The following KIAA0825 variants were observed in gnomAD, a reference collection of about 807,000 sequenced individuals.
KIAA0825 encodes uncharacterized protein KIAA0825.
Under a neutral mutation model 147.6 loss-of-function variants are expected in KIAA0825, and 119 were observed. That is an observed-to-expected ratio of 0.81 (90% CI 0.69 to 0.94). The LOEUF (loss-of-function observed/expected upper bound fraction) is 0.94, where lower values mean the gene tolerates loss of function less well. Ranked by LOEUF, KIAA0825 falls within the 40% of genes least tolerant of loss-of-function variation. The pLI is 0.00. For synonymous variants in KIAA0825, 470 were observed against 518.1 expected, an observed-to-expected ratio of 0.91 and a Z score of 1.26; for missense variants, 1,381 against 1,472.7, an observed-to-expected ratio of 0.94 and a Z score of 1.02.
intron 20 of KIAA0825, among the ~76,000 whole-genome samples, chr5:94,280,057 G>T (rs1426453020): frequency 1.3e-5 from 2 of 152,080 alleles, no homozygotes; most frequent in African/African-American, 4.8e-5. Context: ...GTGGCCTGGG[G>T]AGTGACAGGA....
intron 20 of KIAA0825, among the ~76,000 whole-genome samples, chr5:94,347,752 A>T (rs1453706142): frequency 6.6e-6 from 1 of 152,178 alleles, no homozygotes; most frequent in Non-Finnish European, 1.5e-5. Flanking sequence ...ACTCCCAAAA[A>T]TCACACTAGT....
chr5:94,502,331 T>TA (rs1393533697), intron 5 of KIAA0825, among the ~76,000 whole-genome samples: 1 of 152,188 alleles, frequency 6.6e-6, no homozygotes, highest in African/African-American at 2.4e-5. Flanking sequence ...AACTTAGTGA[T>TA]ATACAAATAA....
At chr5:94,612,269 G>A (rs1789040417) in intron 1 of KIAA0825, among the ~76,000 whole-genome samples, 1 of 152,174 alleles carries the variant, frequency 6.6e-6, no homozygotes, top group Non-Finnish European at 1.5e-5. Flanking sequence ...AAATTCAAAT[G>A]TATTTGTAAG....
intron 20 of KIAA0825, among the ~76,000 whole-genome samples, chr5:94,340,001 T>C (rs969792484): frequency 3.3e-5 from 5 of 152,108 alleles, no homozygotes; most frequent in African/African-American, 1.2e-4. Context: ...TTTTGAAGAG[T>C]GTCTAGAAGT....
At chr5:94,542,424 T>G (rs1411928362) in intron 2 of KIAA0825, among the ~76,000 whole-genome samples, 1 of 152,246 alleles carries the variant, frequency 6.6e-6, no homozygotes, top group Non-Finnish European at 1.5e-5. Context: ...GCATATTTGT[T>G]TCTCTCCATG....
chr5:94,307,471 C>T (rs1342752956), intron 20 of KIAA0825, among the ~76,000 whole-genome samples: 3 of 151,774 alleles, frequency 2.0e-5, no homozygotes, highest in Non-Finnish European at 4.4e-5. Context: ...ATAGTCCTTT[C>T]TGTGGAATAT....
chr5:94,217,778 A>G (rs1003064470), intron 20 of KIAA0825, among the ~76,000 whole-genome samples: 1 of 152,178 alleles, frequency 6.6e-6, no homozygotes, highest in Admixed American at 6.6e-5. Context: ...GAACATAAGA[A>G]CTATTTGGGA....
intron 4 of KIAA0825, among the ~76,000 whole-genome samples, chr5:94,522,628 A>G (rs559055998): frequency 4.0e-5 from 6 of 151,662 alleles, no homozygotes; most frequent in Non-Finnish European, 8.9e-5. Context: ...ATGTATGAAA[A>G]ATGCCATCAG....
chr5:94,511,063 G>C (rs754315539), intron 5 of KIAA0825, among the ~76,000 whole-genome samples: 1 of 152,006 alleles, frequency 6.6e-6, no homozygotes, highest in Non-Finnish European at 1.5e-5. Flanking sequence ...TGGGATTAGT[G>C]TCCTTAAAAA....
chr5:94,222,457 A>C (rs1773750621), intron 20 of KIAA0825, among the ~76,000 whole-genome samples: 1 of 152,158 alleles, frequency 6.6e-6, no homozygotes, highest in Non-Finnish European at 1.5e-5. Context: ...TCCATTTATT[A>C]TTTTGAACAA....
intron 12 of KIAA0825, among the ~76,000 whole-genome samples, chr5:94,455,936 G>A (rs1458156074): frequency 3.3e-5 from 5 of 152,140 alleles, no homozygotes; most frequent in African/African-American, 9.7e-5. Flanking sequence ...CTCTAAAAGT[G>A]TACCAGAGTC....
intron 20 of KIAA0825, among the ~76,000 whole-genome samples, chr5:94,154,765 A>T (rs1373454065): frequency 3.3e-5 from 5 of 152,212 alleles, no homozygotes; most frequent in African/African-American, 4.8e-5. Context: ...CTCAACCTAC[A>T]TACATACAAA....
In KIAA0825 at chr5:94,269,275, C is replaced by T. The variant is rs1452558996; in HGVS notation, c.3710+115093G>A. 2.0e-5 allele frequency among the ~76,000 whole-genome samples: 3 copies of T among 151,962 alleles called. No homozygotes were observed. The East Asian group carries it at 5.8e-4, about 29-fold the overall frequency. Reference sequence around the variant, plus strand: ...TCAAAACAAAATCATACAACAGATACACAGAAAATAAAAAGCAAGAAATTA... The same window carrying T: ...TCAAAACAAAATCATACAACAGATATACAGAAAATAAAAAGCAAGAAATTA... On this transcript the variant is annotated intron_variant, in intron 20 of 20. Transcript: ENST00000682413.
chr5:94,581,559 T>C (rs1472882309), intron 2 of KIAA0825, among the ~76,000 whole-genome samples: 2 of 152,222 alleles, frequency 1.3e-5, no homozygotes, highest in Admixed American at 1.3e-4. Flanking sequence ...GTTATACTCC[T>C]AATTTAAAAA....
At chr5:94,569,849 T>C (rs1779571623) in intron 2 of KIAA0825, 1 of 172,938 alleles carries the variant, frequency 5.8e-6, no homozygotes, top group African/African-American at 2.4e-5. Flanking sequence ...AGGCTTATAC[T>C]ATGGCTCATT....
chr5:94,474,823 CATGCCAG>C (rs1761661276), intron 7 of KIAA0825, among the ~76,000 whole-genome samples: 1 of 152,206 alleles, frequency 6.6e-6, no homozygotes, highest in African/African-American at 2.4e-5. Context: ...CATCAAAAAT[CATGCCAG>C]TAATCCCAGC....
At chr5:94,424,814 T>A (rs1168456728) in intron 14 of KIAA0825, among the ~76,000 whole-genome samples, 3 of 151,944 alleles carry the variant, frequency 2.0e-5, no homozygotes, top group African/African-American at 7.3e-5. Context: ...ACATTACAAC[T>A]GAGACCACAG....
intron 20 of KIAA0825, among the ~76,000 whole-genome samples, chr5:94,292,168 G>T (rs778859910): frequency 1.3e-5 from 2 of 152,180 alleles, no homozygotes; most frequent in African/African-American, 4.8e-5. Context: ...GTGAGAGAGG[G>T]CATCCTTGTC....
At chr5:94,412,997 C>T (rs1269705086) in intron 15 of KIAA0825, 4 of 150,526 alleles carry the variant, frequency 2.7e-5, no homozygotes, top group African/African-American at 9.8e-5. Context: ...ACTCATTGCC[C>T]AGGCTGGGGT....
Sources: gnomAD v4.1 joint callset for allele counts (sites outside exome capture counted in the v4.1 genomes callset) on GRCh38, gnomAD v4.1.1 for gene constraint, MANE v1.5 for transcripts, NCBI Gene and HGNC (gene_info 2026-07-23, HGNC 2026-07-21) for gene names.